ERBB4: variants seen among roughly 807,000 people sequenced by gnomAD.
The protein encoded by ERBB4 is receptor tyrosine-protein kinase erbB-4.
ERBB4 carries 42 observed loss-of-function variants against 158.0 expected under a neutral mutation model. That is an observed-to-expected ratio of 0.27 (90% CI 0.21 to 0.34). ERBB4 has a LOEUF of 0.34. ERBB4 is among the 10% of genes least tolerant of loss of function. ERBB4 has a pLI of 1.00. For missense variants in ERBB4, 1,333 were observed against 1,624.1 expected, an observed-to-expected ratio of 0.82 and a Z score of 3.08; for synonymous variants, 583 against 558.7, an observed-to-expected ratio of 1.04 and a Z score of -0.61.
intron 16 of ERBB4, among the ~76,000 whole-genome samples, chr2:211,643,661 T>C (rs182426672): frequency 5.3e-5 from 8 of 152,228 alleles, no homozygotes; most frequent in African/African-American, 1.9e-4. Context: ...CTATCTCTGG[T>C]GCTTCTATTA....
rs1249964703 is a variant in ERBB4, at chr2:211,938,855, ATTAC to A, written c.421+8571_421+8574del. 6.6e-5 allele frequency among the ~76,000 whole-genome samples: 10 copies of A among 152,282 alleles called. No homozygotes were observed. In the East Asian group the frequency reaches 1.9e-3, roughly 29 times the overall value. Reference sequence around the variant, plus strand: ...AAAGCTAATAAATATTTGAATTGACATTACTTTCCAAAAGAATCCTAAACTTTTA... The same window carrying A: ...AAAGCTAATAAATATTTGAATTGACATTTCCAAAAGAATCCTAAACTTTTA... On this transcript the variant is annotated intron_variant, in intron 3 of 27. Transcript: ENST00000342788.
intron 3 of ERBB4, among the ~76,000 whole-genome samples, chr2:211,939,490 G>A (rs2080425927): frequency 6.6e-6 from 1 of 151,954 alleles, no homozygotes; most frequent in Non-Finnish European, 1.5e-5. Flanking sequence ...AACGCTGGAA[G>A]AGAACAACAT....
chr2:212,336,624 A>C (rs2088453807), intron 1 of ERBB4, among the ~76,000 whole-genome samples: 1 of 152,072 alleles, frequency 6.6e-6, no homozygotes, highest in African/African-American at 2.4e-5. Flanking sequence ...CTCTGAGGAC[A>C]CCACACTGCA....
At chr2:212,128,680 A>C (rs2125580455) in intron 1 of ERBB4, among the ~76,000 whole-genome samples, 1 of 152,322 alleles carries the variant, frequency 6.6e-6, no homozygotes, top group East Asian at 1.9e-4. Flanking sequence ...ACTTTGAGTA[A>C]ATTTAACTAT....
At chr2:211,475,545 A>G (rs185960954) in intron 20 of ERBB4, among the ~76,000 whole-genome samples, 363 of 152,238 alleles carry the variant, frequency 2.4e-3, no homozygotes, top group African/African-American at 8.4e-3. Flanking sequence ...ATAATGACAT[A>G]TAAATATGGA....
chr2:212,319,119 C>A (rs1397135594), intron 1 of ERBB4, among the ~76,000 whole-genome samples: 1 of 151,590 alleles, frequency 6.6e-6, no homozygotes, highest in African/African-American at 2.4e-5. Context: ...TGGCACAAGT[C>A]AAATTGCTCA....
intron 14 of ERBB4, among the ~76,000 whole-genome samples, chr2:211,672,926 T>C (rs2071897969): frequency 1.3e-5 from 2 of 152,218 alleles, no homozygotes; most frequent in African/African-American, 4.8e-5. Flanking sequence ...CTACTCTATA[T>C]CTTATAATTC....
intron 3 of ERBB4, among the ~76,000 whole-genome samples, chr2:211,865,860 AC>A (rs1312569491): frequency 6.6e-6 from 1 of 152,220 alleles, no homozygotes; most frequent in Non-Finnish European, 1.5e-5. Context: ...TTCATATTAT[AC>A]TACTTAAGAA....
chr2:212,025,870 A>T (rs1484366825), intron 2 of ERBB4, among the ~76,000 whole-genome samples: 1 of 151,696 alleles, frequency 6.6e-6, no homozygotes. Context: ...AAAATAAAGA[A>T]CTTTATTTTC....
chr2:212,340,274 C>T (rs2088642826), intron 1 of ERBB4, among the ~76,000 whole-genome samples: 1 of 152,052 alleles, frequency 6.6e-6, no homozygotes, highest in African/African-American at 2.4e-5. Flanking sequence ...CAATGGTCCC[C>T]AACCTTTCGG....
At chr2:212,004,273 T>G (rs1033705099) in intron 2 of ERBB4, among the ~76,000 whole-genome samples, 12 of 152,188 alleles carry the variant, frequency 7.9e-5, no homozygotes, top group African/African-American at 2.7e-4. Flanking sequence ...AGACATCAAG[T>G]TGACTCCCTC....
At chr2:212,415,178 C>A (rs1048758805) in intron 1 of ERBB4, among the ~76,000 whole-genome samples, 1 of 151,988 alleles carries the variant, frequency 6.6e-6, no homozygotes, top group Admixed American at 6.6e-5. Context: ...AGGAATGATC[C>A]AAGAACTGGG....
At chr2:211,714,565 T>G (rs1481042278) in intron 7 of ERBB4, among the ~76,000 whole-genome samples, 2 of 152,192 alleles carry the variant, frequency 1.3e-5, no homozygotes, top group Non-Finnish European at 2.9e-5. Context: ...ATATGCCATG[T>G]AGATTTATGG....
intron 20 of ERBB4, among the ~76,000 whole-genome samples, chr2:211,545,389 T>C (rs2066916643): frequency 6.6e-6 from 1 of 151,980 alleles, no homozygotes; most frequent in African/African-American, 2.4e-5. Context: ...TAAACTTACA[T>C]AGAAATTAGC....
At chr2:211,436,903 A>G (rs1324060868) in intron 20 of ERBB4, among the ~76,000 whole-genome samples, 2 of 152,238 alleles carry the variant, frequency 1.3e-5, no homozygotes, top group African/African-American at 4.8e-5. Context: ...CACCGACTCA[A>G]GAATTTAGTG....
In ERBB4 at chr2:211,420,424, A is replaced by G. The variant is rs767215874; in HGVS notation, c.3135+17T>C. On this transcript the variant is annotated intron_variant, in intron 25 of 27. Coordinates refer to ENST00000342788, the MANE Select transcript of ERBB4 (RefSeq NM_005235.3). The stretch of plus-strand genomic sequence containing the variant: ...ATCTCAGAAAGAATATGATATGTGT[A>G]TATAATTATTTCTTACCCTATTCGA... The G allele has an allele frequency of 6.5e-7, 1 of 1,536,404 alleles. No homozygotes were observed. The highest frequency in any genetic ancestry group is 2.3e-5 in the East Asian group (1 of 44,318).
At chr2:212,345,024 G>C (rs543311058) in intron 1 of ERBB4, among the ~76,000 whole-genome samples, 273 of 152,152 alleles carry the variant, frequency 1.8e-3, no homozygotes, top group Non-Finnish European at 3.1e-3. Flanking sequence ...CACTTTGGGA[G>C]GCCGAGATGG....
At chr2:211,849,174 A>C (rs1166429359) in intron 3 of ERBB4, among the ~76,000 whole-genome samples, 1 of 152,018 alleles carries the variant, frequency 6.6e-6, no homozygotes, top group African/African-American at 2.4e-5. Flanking sequence ...TCAACATGAA[A>C]AAGTATTATG....
At chr2:211,542,663 T>A (rs1430957911) in intron 20 of ERBB4, among the ~76,000 whole-genome samples, 5 of 151,956 alleles carry the variant, frequency 3.3e-5, no homozygotes, top group African/African-American at 1.2e-4. Flanking sequence ...TGACTAAGAG[T>A]GGCCAGGGGA....
Sources: gnomAD v4.1 joint callset for allele counts (sites outside exome capture counted in the v4.1 genomes callset) on GRCh38, gnomAD v4.1.1 for gene constraint, MANE v1.5 for transcripts, NCBI Gene and HGNC (gene_info 2026-07-23, HGNC 2026-07-21) for gene names.